ELP5: variants seen among roughly 807,000 people sequenced by gnomAD.
ELP5 encodes the protein elongator complex protein 5.
A neutral mutation model predicts 33.4 loss-of-function variants in ELP5; 34 were observed. The observed-to-expected ratio is 1.02, with a 90% CI of 0.78 to 1.36. The LOEUF is 1.36. ELP5 is among the 40% of genes most tolerant of loss of function. The pLI, the probability that ELP5 is intolerant of heterozygous loss-of-function variation, is 0.00. For missense variants in ELP5, 373 were observed against 371.7 expected (o/e 1.00, Z -0.03); for synonymous variants, 161 against 146.4 (o/e 1.10, Z -0.72).
intron 4 of ELP5, 45 bp downstream of exon 4, chr17:7,254,848 C>G: frequency 6.6e-7 from 1 of 1,509,236 alleles, no homozygotes; most frequent in Non-Finnish European, 9.1e-7. Context: ...TCTCCCTCTG[C>G]CAAGGAGTGT....
chr17:7,251,831 G>C (rs1384901997), upstream of ELP5: 1 of 154,116 alleles, frequency 6.5e-6, no homozygotes, highest in African/African-American at 2.4e-5. Context: ...AGGAGGGGGA[G>C]GGGGAGCCGG....
In ELP5 at chr17:7,252,320, T is replaced by A; in HGVS notation, c.-231T>A. On this transcript the variant is annotated 5_prime_UTR_variant, in exon 1 of 8. An upstream open reading frame in the 5' UTR loses its in-frame stop. Coordinates refer to ENST00000396628, the MANE Select transcript of ELP5 (RefSeq NM_203414.3). ...TCCCGCCCCGGTCACAGTGAAAATG[T>A]AGACGGGGTCGTTGTCCGTACGACT... 1.6e-6 allele frequency: 1 copy of A among 623,904 alleles called. No individual in the cohort carries two copies. Among genetic ancestry groups the A allele is most frequent in the Admixed American group, 2.6e-5 (1 of 39,040 alleles). 38.6% of individuals were successfully genotyped at this position (623,904 alleles called of 1,614,324 possible). A position where few individuals can be genotyped will look rare whatever the true frequency, so the allele number is the denominator to read the frequency against.
upstream of ELP5, chr17:7,252,038 A>C: frequency 4.8e-6 from 1 of 210,032 alleles, no homozygotes; most frequent in South Asian, 5.3e-5. Context: ...GGTGACGTGT[A>C]TTCGCTTCAC....
rs533850943 is a variant in ELP5, at chr17:7,254,173, C to T, written c.189-410C>T. Among the ~76,000 whole-genome samples, 7 of 152,316 alleles carry T rather than the reference C, an allele frequency of 4.6e-5. 1 individual carries two copies. Among genetic ancestry groups the T allele is most frequent in the South Asian group, 2.1e-4 (1 of 4,822 alleles). ...GTTCTACAGGCAGGACCAAATCTCA[C>T]GTCCTCTGCTTTCTCTTTTTTCACC... On this transcript the variant is annotated intron_variant, in intron 3 of 7. Coordinates refer to ENST00000396628, the MANE Select transcript of ELP5 (RefSeq NM_203414.3).
At chr17:7,253,427 A>G (rs1439626122) in intron 3 of ELP5, among the ~76,000 whole-genome samples, 1 of 152,238 alleles carries the variant, frequency 6.6e-6, no homozygotes, top group Admixed American at 6.5e-5. Flanking sequence ...CAGTGGCAGT[A>G]GAGATGGAAA....
chr17:7,257,982 C>T (rs1379142781), intron 5 of ELP5, among the ~76,000 whole-genome samples: 1 of 151,898 alleles, frequency 6.6e-6, no homozygotes, highest in African/African-American at 2.4e-5. Context: ...GTGGGAGAAT[C>T]ACTTGAACCT....
chr17:7,254,887 A>G (rs1430041370), intron 4 of ELP5, 84 bp downstream of exon 4: 5 of 1,138,378 alleles, frequency 4.4e-6, no homozygotes, highest in East Asian at 2.5e-5. Context: ...CCTAGAATAA[A>G]CATCTGGGTT....
chr17:7,259,004 T>A, intron 7 of ELP5, 78 bp downstream of exon 7: 1 of 1,593,198 alleles, frequency 6.3e-7, no homozygotes, highest in African/African-American at 1.3e-5. Context: ...GGCAACAGGT[T>A]ATTGATTAAC....
At chr17:7,256,134 C>T (rs773893393) in intron 4 of ELP5, among the ~76,000 whole-genome samples, 96 of 151,984 alleles carry the variant, frequency 6.3e-4, no homozygotes, top group Non-Finnish European at 4.7e-4. Context: ...AGGTAGATCA[C>T]GAGGTCAGGA....
Position 7,258,880 on chromosome 17 carries a change from G to A in ELP5, c.742G>A (p.Glu248Lys). The A allele has an allele frequency of 6.2e-7, 1 of 1,614,164 alleles. No individual in the cohort carries two copies. Reference sequence around the variant, plus strand: ...CCTTCACCTGTCCAAGAAAGAGAGAGAAGCCAGAGATAGCCTGATCCTGCC... The same window carrying A: ...CCTTCACCTGTCCAAGAAAGAGAGAAAAGCCAGAGATAGCCTGATCCTGCC... ...FNLHLSKKER[E>K]ARDSLILPFQ... Residue 248 changes from glutamate to lysine, a missense_variant, in exon 7 of 8, where the codon GAA (glutamate) becomes AAA (lysine). Coordinates refer to ENST00000396628, the MANE Select transcript of ELP5 (RefSeq NM_203414.3).
upstream of ELP5, chr17:7,251,935 G>A (rs1597578364): frequency 6.3e-6 from 1 of 159,984 alleles, no homozygotes; most frequent in African/African-American, 2.4e-5. Context: ...TCTGCAGCTG[G>A]GTTTCCCACT....
chr17:7,258,440 C>A lies in ELP5; in HGVS notation c.592-148C>A, dbSNP rs1057267076. On this transcript the variant is annotated intron_variant, in intron 5 of 7. Coordinates refer to ENST00000396628, the MANE Select transcript of ELP5 (RefSeq NM_203414.3). ...CTCCAGCCTGGGCAACAAAGCCAGA[C>A]CCTGTCTCAAAAAAAAAAAAAAAAG... The A allele has an allele frequency of 8.6e-6, 6 of 700,604 alleles. No individual in the cohort carries two copies. In the African/African-American group the frequency reaches 1.1e-4, roughly 13 times the overall value. 43.4% of individuals were successfully genotyped at this position (700,604 alleles called of 1,614,324 possible). A position where few individuals can be genotyped will look rare whatever the true frequency, so the allele number is the denominator to read the frequency against.
chr17:7,256,846 T>TC lies in ELP5; in HGVS notation c.410-9dup. 1.2e-6 allele frequency: 2 copies of TC among 1,614,108 alleles called. No individual in the cohort carries two copies. The highest frequency in any genetic ancestry group is 8.5e-7 in the Non-Finnish European group (1 of 1,179,952). ...GCTCCCTACTATCCTACATTTCTTGTCCTCCTCTAGGTGACAGCTCCTCAG... is the reference window on the plus strand; with the variant it reads ...GCTCCCTACTATCCTACATTTCTTGTCCCTCCTCTAGGTGACAGCTCCTCAG... On this transcript the variant is annotated splice_polypyrimidine_tract_variant and intron_variant, in intron 4 of 7. Coordinates refer to ENST00000396628, the MANE Select transcript of ELP5 (RefSeq NM_203414.3).
At chr17:7,252,189 A>G (rs961939494), upstream of ELP5, 18 of 381,424 alleles carry the variant, frequency 4.7e-5, no homozygotes, top group African/African-American at 2.1e-4. Context: ...CCCGCCTCAA[A>G]CTGCGTGGGC....
intron 4 of ELP5, among the ~76,000 whole-genome samples, chr17:7,255,186 C>T (rs894432076): frequency 6.6e-6 from 1 of 151,750 alleles, no homozygotes; most frequent in Non-Finnish European, 1.5e-5. Context: ...ACAAGATGGT[C>T]TGATAAAGGC....
In ELP5 at chr17:7,256,839, T is replaced by C. The variant is rs781544397; in HGVS notation, c.410-18T>C. 3.7e-6 allele frequency: 6 copies of C among 1,613,988 alleles called. No homozygotes were observed. In the South Asian group the frequency reaches 5.5e-5, roughly 15 times the overall value. ...CCTGAATGCTCCCTACTATCCTACA[T>C]TTCTTGTCCTCCTCTAGGTGACAGC... On this transcript the variant is annotated intron_variant, in intron 4 of 7. Transcript: ENST00000396628.
At chr17:7,255,515 A>G (rs895408973) in intron 4 of ELP5, among the ~76,000 whole-genome samples, 2 of 151,390 alleles carry the variant, frequency 1.3e-5, no homozygotes, top group Non-Finnish European at 2.9e-5. Context: ...CGACAGAGCA[A>G]GACTCCATCT....
rs368386958 is a variant in ELP5, at chr17:7,254,741, G to A, written c.347G>A (p.Arg116His). Residue 116 changes from arginine to histidine, a missense_variant, in exon 4 of 8, where the codon CGC becomes CAC. Physicochemically the swap from Arg to His is conservative, Grantham distance 29 (BLOSUM62 0). Coordinates refer to ENST00000396628, the MANE Select transcript of ELP5 (RefSeq NM_203414.3). ...GATTCACTCAGCTGGCTGCTACTTC[G>A]CCTTCCCTGCACCACACTCTGCCAG... is the stretch of plus-strand genomic sequence containing the variant. The part of the protein sequence containing the change: ...ALDSLSWLLL[R>H]LPCTTLCQVL... 110 of 1,613,882 alleles carry A rather than the reference G, an allele frequency of 6.8e-5. No homozygotes were observed. Among genetic ancestry groups the A allele is most frequent in the Non-Finnish European group, 8.9e-5 (105 of 1,180,008 alleles).
chr17:7,259,050 C>G, intron 7 of ELP5, 124 bp downstream of exon 7: 1 of 1,496,060 alleles, frequency 6.7e-7, no homozygotes, highest in Non-Finnish European at 8.9e-7. Context: ...CCTCCAGAGA[C>G]AAGTCCAAGT....
Sources: gnomAD v4.1 joint callset for allele counts (sites outside exome capture counted in the v4.1 genomes callset) on GRCh38, gnomAD v4.1.1 for gene constraint, MANE v1.5 for transcripts, NCBI Gene and HGNC (gene_info 2026-07-23, HGNC 2026-07-21) for gene names.